The following FRMPD4 variants were observed in gnomAD, a reference collection of about 807,000 sequenced individuals.
FRMPD4 encodes FERM and PDZ domain containing 4, also known as FERM and PDZ domain-containing protein 4.
Under a neutral mutation model 94.1 loss-of-function variants are expected in FRMPD4, and 22 were observed. That is an observed-to-expected ratio of 0.23 (90% CI 0.17 to 0.33). The LOEUF (loss-of-function observed/expected upper bound fraction) is 0.33, where lower values mean the gene tolerates loss of function less well. FRMPD4 is among the 10% of genes least tolerant of loss of function. The pLI, the probability that FRMPD4 is intolerant of heterozygous loss-of-function variation, is 1.00. For missense variants in FRMPD4, 1,111 were observed against 1,339.9 expected, an observed-to-expected ratio of 0.83 and a Z score of 2.67; for synonymous variants, 631 against 548.6, an observed-to-expected ratio of 1.15 and a Z score of -2.10.
chrX:12,614,437 G>A (rs750314272), intron 3 of FRMPD4, among the ~76,000 whole-genome samples: 1 of 110,415 alleles, frequency 9.1e-6, no homozygotes, highest in Admixed American at 9.6e-5. Flanking sequence ...CAGCACCTGG[G>A]AGCTTGTGAG....
intron 1 of FRMPD4, among the ~76,000 whole-genome samples, chrX:12,217,818 G>A (rs1343140851): frequency 5.3e-5 from 6 of 112,207 alleles, no homozygotes; most frequent in Non-Finnish European, 1.1e-4. Flanking sequence ...CACATGGTCT[G>A]CAAGGGAAAC....
At chrX:11,918,304 A>G (rs1006105371) in intron 3 of FRMPD4, among the ~76,000 whole-genome samples, 4 of 113,037 alleles carry the variant, frequency 3.5e-5, no homozygotes, top group Non-Finnish European at 7.5e-5. Context: ...TATATCTCTG[A>G]GATATAGAAA....
At chrX:12,694,730 TAC>T (rs1375580737) in intron 9 of FRMPD4, among the ~76,000 whole-genome samples, 1 of 112,355 alleles carries the variant, frequency 8.9e-6, no homozygotes, top group Non-Finnish European at 1.9e-5. Flanking sequence ...CTTTAGTATA[TAC>T]ACGTTTTCTC....
chrX:12,359,631 A>G (rs926871574), intron 1 of FRMPD4, among the ~76,000 whole-genome samples: 2 of 109,883 alleles, frequency 1.8e-5, no homozygotes. Context: ...CACCATGCCC[A>G]GCTAATTTTT....
intron 1 of FRMPD4, among the ~76,000 whole-genome samples, chrX:11,846,876 G>C (rs1343541246): frequency 1.8e-5 from 2 of 110,105 alleles, no homozygotes; most frequent in Non-Finnish European, 3.8e-5. Flanking sequence ...ATACAAAAAT[G>C]AATTCAAGAT....
intron 2 of FRMPD4, among the ~76,000 whole-genome samples, chrX:12,535,423 T>C (rs1470802420): frequency 8.9e-6 from 1 of 112,013 alleles, no homozygotes; most frequent in Admixed American, 9.5e-5. Context: ...TTTGAATCTT[T>C]TTGTTTGTAG....
At chrX:11,893,698 G>C (rs1473879527) in intron 3 of FRMPD4, among the ~76,000 whole-genome samples, 1 of 111,712 alleles carries the variant, frequency 9.0e-6, no homozygotes, top group African/African-American at 3.3e-5. Context: ...TCTTTGGTGA[G>C]TTAAATGTGG....
chrX:12,494,557 C>T (rs989926284), intron 1 of FRMPD4, among the ~76,000 whole-genome samples: 2 of 111,499 alleles, frequency 1.8e-5, no homozygotes, highest in African/African-American at 6.5e-5. Context: ...TTTTCTGATA[C>T]TGCCATGTTT....
At chrX:12,522,712 C>T (rs1160450328) in intron 2 of FRMPD4, among the ~76,000 whole-genome samples, 1 of 102,022 alleles carries the variant, frequency 9.8e-6, no homozygotes, top group Non-Finnish European at 1.9e-5. Context: ...AAGTGATTTT[C>T]CCACCTCAGC....
intron 4 of FRMPD4, among the ~76,000 whole-genome samples, chrX:12,670,006 A>T (rs1239982860): frequency 8.9e-6 from 1 of 112,457 alleles, no homozygotes; most frequent in Non-Finnish European, 1.9e-5. Context: ...GACTAACAAG[A>T]GTCCTTCTCC....
At chrX:11,895,028 C>A (rs2053894902) in intron 3 of FRMPD4, among the ~76,000 whole-genome samples, 1 of 112,135 alleles carries the variant, frequency 8.9e-6, no homozygotes, top group African/African-American at 3.2e-5. Flanking sequence ...GGTCTTAGAG[C>A]CTCTTCCCAG....
At position 12,576,814 on chromosome X, in the gene FRMPD4, G is replaced by T. The variant is rs750137167; in HGVS notation, c.159-32907G>T. ...AAAAAAGGAAACAGAGATCATTGAG[G>T]GTAGAGTATTCACCATTTTTTAGCC... is the stretch of plus-strand genomic sequence containing the variant. On this transcript the variant is annotated intron_variant, in intron 2 of 16. Transcript: ENST00000675598. Among the ~76,000 whole-genome samples, 7 of 111,830 alleles carry T rather than the reference G, an allele frequency of 6.3e-5. No individual in the cohort carries two copies. In the South Asian group the frequency reaches 2.7e-3, roughly 42 times the overall value.
chrX:12,278,821 C>T (rs1164646028), intron 1 of FRMPD4, among the ~76,000 whole-genome samples: 3 of 111,821 alleles, frequency 2.7e-5, no homozygotes, highest in Non-Finnish European at 5.6e-5. Context: ...GCTCCCTCAC[C>T]CCTCAAGTGG....
chrX:11,995,740 A>G (rs1304878448), intron 3 of FRMPD4, among the ~76,000 whole-genome samples: 1 of 112,090 alleles, frequency 8.9e-6, no homozygotes, highest in African/African-American at 3.2e-5. Flanking sequence ...AAGCATATCA[A>G]CTTCTCTTCT....
intron 4 of FRMPD4, among the ~76,000 whole-genome samples, chrX:12,621,072 GA>G (rs931867774): frequency 1.8e-5 from 2 of 108,918 alleles, no homozygotes; most frequent in African/African-American, 6.7e-5. Flanking sequence ...AATACAAAAA[GA>G]AAAAAAAATA....
intron 1 of FRMPD4, among the ~76,000 whole-genome samples, chrX:12,425,150 C>T (rs1349200523): frequency 8.9e-6 from 1 of 112,518 alleles, no homozygotes; most frequent in Non-Finnish European, 1.9e-5. Flanking sequence ...AGCTTATACT[C>T]GTGCTTAATT....
intron 2 of FRMPD4, among the ~76,000 whole-genome samples, chrX:11,867,090 GCT>G (rs2053724737): frequency 9.0e-6 from 1 of 110,958 alleles, no homozygotes; most frequent in African/African-American, 3.3e-5. Context: ...GTTCTGAAAA[GCT>G]CTCATTTCAA....
At chrX:12,392,292 C>T (rs771495401) in intron 1 of FRMPD4, among the ~76,000 whole-genome samples, 12 of 106,148 alleles carry the variant, frequency 1.1e-4, no homozygotes, top group Admixed American at 6.9e-4. Flanking sequence ...CTGCCTGCCT[C>T]GACCTCCCAA....
intron 2 of FRMPD4, among the ~76,000 whole-genome samples, chrX:12,532,358 G>A (rs2058294431): frequency 9.0e-6 from 1 of 111,487 alleles, no homozygotes; most frequent in African/African-American, 3.3e-5. Flanking sequence ...CTAACATGAG[G>A]TTCATGGATC....
Sources: gnomAD v4.1 joint callset for allele counts (sites outside exome capture counted in the v4.1 genomes callset) on GRCh38, gnomAD v4.1.1 for gene constraint, MANE v1.5 for transcripts, NCBI Gene and HGNC (gene_info 2026-07-23, HGNC 2026-07-21) for gene names.